Variants in TM4SF5 observed in about 807,000 individuals in gnomAD.
The protein encoded by TM4SF5 is transmembrane 4 L6 family member 5.
TM4SF5 carries 16 observed loss-of-function variants against 22.3 expected under a neutral mutation model. The observed-to-expected ratio is 0.72, with a 90% confidence interval of 0.49 to 1.09. The LOEUF (loss-of-function observed/expected upper bound fraction) is 1.09, where lower values mean the gene tolerates loss of function less well. Ranked by LOEUF, TM4SF5 falls within the 50% of genes least tolerant of loss-of-function variation. The pLI, the probability that TM4SF5 is intolerant of heterozygous loss-of-function variation, is 0.00. For synonymous variants in TM4SF5, 113 were observed against 109.6 expected, an observed-to-expected ratio of 1.03 and a Z score of -0.19; for missense variants, 249 against 266.1, an observed-to-expected ratio of 0.94 and a Z score of 0.45.
chr17:4,775,801 A>G (rs1391044747), intron 1 of TM4SF5, among the ~76,000 whole-genome samples: 1 of 152,086 alleles, frequency 6.6e-6, no homozygotes, highest in East Asian at 1.9e-4. Flanking sequence ...TTCTAACCCC[A>G]TAGACGAGTT....
At chr17:4,780,943 G>A (rs7211049) in intron 2 of TM4SF5, 74 bp downstream of exon 2, 19,987 of 1,317,200 alleles carry the variant, frequency 0.015, 323 homozygotes, top group African/African-American at 0.077. Flanking sequence ...ACTTTAGCAG[G>A]CTGAGGTGGG....
At position 4,778,875 on chromosome 17, in the gene TM4SF5, A is replaced by G. The variant is rs189883778; in HGVS notation, c.178-1914A>G. Among the ~76,000 whole-genome samples the G allele has an allele frequency of 1.8e-3, 277 of 151,818 alleles. 1 individual carries two copies. Among genetic ancestry groups the G allele is most frequent in the Non-Finnish European group, 2.3e-3 (156 of 67,924 alleles). ...GATCAAGACCATTCTGGCCAACATGATGAAACCCCGTCTCTACTAAAAATA... is the reference window on the plus strand; with the variant it reads ...GATCAAGACCATTCTGGCCAACATGGTGAAACCCCGTCTCTACTAAAAATA... On this transcript the variant is annotated intron_variant, in intron 1 of 4. Transcript: ENST00000270560.
chr17:4,782,431 G>C, intron 2 of TM4SF5, 72 bp from the exon 3 acceptor site: 1 of 1,571,052 alleles, frequency 6.4e-7, no homozygotes, highest in Non-Finnish European at 8.7e-7. Context: ...TAATGCGTGG[G>C]GGCTGGCGCT....
Position 4,782,966 on chromosome 17 carries a change from A to ATAG in TM4SF5, c.511_513dup (p.Val171dup), listed in dbSNP as rs1567708989. ...GCTGGTGGCCGCCTCCTGCCTGGAG[A>ATAG]TAGTACTGTGTGGGATCCAGCTGGT... On this transcript the variant is annotated inframe_insertion, in exon 4 of 5. Transcript: ENST00000270560. 6.2e-7 allele frequency: 1 copy of ATAG among 1,614,078 alleles called. No homozygotes were observed. The highest frequency in any genetic ancestry group is 1.1e-5 in the South Asian group (1 of 91,080).
At position 4,776,320 on chromosome 17, in the gene TM4SF5, G is replaced by C. The variant is rs868525804; in HGVS notation, c.177+4221G>C. On this transcript the variant is annotated intron_variant, in intron 1 of 4. Transcript: ENST00000270560. ...GCTTTTTTGCTTTTTTGTTTTTTTT[G>C]AAACAGAGTCTCGCTCTGTCACCCA... 2.7e-5 allele frequency among the ~76,000 whole-genome samples: 4 copies of C among 148,208 alleles called. No individual in the cohort carries two copies. The South Asian group carries it at 8.5e-4, about 31-fold the overall frequency.
chr17:4,782,779 C>T, intron 3 of TM4SF5, 75 bp from the exon 4 acceptor site: 1 of 1,574,570 alleles, frequency 6.4e-7, no homozygotes, highest in African/African-American at 1.3e-5. Context: ...AGCAAATCCC[C>T]TGGGACGTAT....
At chr17:4,782,701 G>T in intron 3 of TM4SF5, 62 bp downstream of exon 3, 1 of 1,601,138 alleles carries the variant, frequency 6.2e-7, no homozygotes, top group South Asian at 1.1e-5. Flanking sequence ...CCCTTCCCCC[G>T]TGGACTGGGA....
chr17:4,782,327 C>A (rs35300215), intron 2 of TM4SF5, among the ~76,000 whole-genome samples, 176 bp from the exon 3 acceptor site: 19,597 of 151,976 alleles, frequency 0.13, 2,035 homozygotes, highest in East Asian at 0.39. Context: ...GATCCACCCG[C>A]CTCAGCCTCC....
chr17:4,774,169 G>A (rs1207139997), intron 1 of TM4SF5, among the ~76,000 whole-genome samples: 1 of 152,186 alleles, frequency 6.6e-6, no homozygotes, highest in African/African-American at 2.4e-5. Flanking sequence ...GCGAGATTGC[G>A]CCATTGTGCT....
At chr17:4,778,342 C>T (rs954155802) in intron 1 of TM4SF5, among the ~76,000 whole-genome samples, 1 of 151,590 alleles carries the variant, frequency 6.6e-6, no homozygotes, top group Admixed American at 6.6e-5. Context: ...GAGCCAGGCA[C>T]AGTGGCTCAT....
intron 1 of TM4SF5, among the ~76,000 whole-genome samples, chr17:4,775,342 T>G (rs1355106070): frequency 6.6e-6 from 1 of 151,192 alleles, no homozygotes; most frequent in Non-Finnish European, 1.5e-5. Context: ...CACTACAAGC[T>G]CCACCTCTTG....
chr17:4,782,320 C>T (rs1357691920), intron 2 of TM4SF5, among the ~76,000 whole-genome samples, 183 bp from the exon 3 acceptor site: 3 of 152,024 alleles, frequency 2.0e-5, no homozygotes, highest in African/African-American at 7.2e-5. Context: ...CTCAGGAGAT[C>T]CACCCGCCTC....
chr17:4,772,075 C>A lies in TM4SF5; in HGVS notation c.153C>A (p.Gly51=). Residue 51 remains glycine, a synonymous_variant, in exon 1 of 5, where the codon GGC becomes GGA. Transcript: ENST00000270560. The part of the protein sequence containing the change: ...NHLSLQVWLM[G]GFIGGGLMVL... ...TCAGCTTGCAAGTCTGGCTCATGGG[C>A]GGCTTCATTGGCGGGGGCCTAATGG... 1.2e-6 allele frequency: 2 copies of A among 1,614,156 alleles called. No homozygotes were observed. Among genetic ancestry groups the A allele is most frequent in the African/African-American group, 1.3e-5 (1 of 75,042 alleles).
At chr17:4,775,478 A>C (rs1325285809) in intron 1 of TM4SF5, among the ~76,000 whole-genome samples, 1 of 151,238 alleles carries the variant, frequency 6.6e-6, no homozygotes, top group Admixed American at 6.6e-5. Context: ...GTTAGCCAGG[A>C]TGGTCTCGAT....
intron 1 of TM4SF5, among the ~76,000 whole-genome samples, chr17:4,772,317 T>C (rs1483851771): frequency 6.6e-6 from 1 of 152,106 alleles, no homozygotes; most frequent in Non-Finnish European, 1.5e-5. Context: ...GCCTCACTGC[T>C]CTAAAGAGCT....
intron 2 of TM4SF5, 101 bp from the exon 3 acceptor site, chr17:4,782,402 C>T: frequency 7.0e-7 from 1 of 1,429,960 alleles, no homozygotes; most frequent in Non-Finnish European, 9.7e-7. Flanking sequence ...TTTAACAACC[C>T]GACTGGAGCA....
chr17:4,774,439 C>G (rs1408221915), intron 1 of TM4SF5, among the ~76,000 whole-genome samples: 1 of 152,030 alleles, frequency 6.6e-6, no homozygotes, highest in African/African-American at 2.4e-5. Context: ...CATGGAATGG[C>G]AGCGTGTGCC....
intron 1 of TM4SF5, among the ~76,000 whole-genome samples, chr17:4,780,044 T>C (rs575139874): frequency 6.6e-6 from 1 of 151,220 alleles, no homozygotes; most frequent in Non-Finnish European, 1.5e-5. Context: ...TGAGTTACTC[T>C]GAGCTGGTCT....
At chr17:4,782,018 G>A (rs1479534651) in intron 2 of TM4SF5, among the ~76,000 whole-genome samples, 2 of 151,916 alleles carry the variant, frequency 1.3e-5, no homozygotes, top group African/African-American at 4.8e-5. Context: ...AGAGGAGCTT[G>A]TGTAGCTAGG....
Sources: gnomAD v4.1 joint callset for allele counts (sites outside exome capture counted in the v4.1 genomes callset) on GRCh38, gnomAD v4.1.1 for gene constraint, MANE v1.5 for transcripts, NCBI Gene and HGNC (gene_info 2026-07-23, HGNC 2026-07-21) for gene names.